The following ZNF98 variants were observed in gnomAD, a reference collection of about 807,000 sequenced individuals.
ZNF98 encodes zinc finger protein 739.
A neutral mutation model predicts 12.8 loss-of-function variants in ZNF98; 8 were observed. That is an observed-to-expected ratio of 0.63 (90% CI 0.37 to 1.13). The LOEUF (loss-of-function observed/expected upper bound fraction) is 1.13, where lower values mean the gene tolerates loss of function less well. Ranked by LOEUF, ZNF98 falls within the 50% of genes most tolerant of loss-of-function variation. ZNF98 has a pLI of 0.01. For missense variants in ZNF98, 379 were observed against 666.1 expected, an observed-to-expected ratio of 0.57 and a Z score of 4.74; for synonymous variants, 112 against 223.5, an observed-to-expected ratio of 0.50 and a Z score of 4.45.
Position 22,392,762 on chromosome 19 carries a change from T to C in ZNF98, c.473A>G (p.Lys158Arg). The part of the protein sequence containing the change: ...TTQNKIFQYD[K>R]YVKVFHKFSN... ...AAATTTATGAAAGACTTTCACATAT[T>C]TGTCATATTGAAATATTTTGTTCTG... The change falls in exon 4 of 4, where the codon AAA becomes AGA. Residue 158 changes from lysine to arginine, a missense_variant. By Grantham distance (26) the Lys-to-Arg change is conservative (BLOSUM62 2). Transcript: ENST00000357774. 6.2e-7 allele frequency: 1 copy of C among 1,611,312 alleles called. No homozygotes were observed. Among genetic ancestry groups the C allele is most frequent in the Non-Finnish European group, 8.5e-7 (1 of 1,178,670 alleles).
At chr19:22,415,070 CAT>C (rs1448654843) in intron 1 of ZNF98, among the ~76,000 whole-genome samples, 2 of 151,868 alleles carry the variant, frequency 1.3e-5, no homozygotes, top group Non-Finnish European at 2.9e-5. Context: ...AGACAAAAAA[CAT>C]GAAAAAGATT....
intron 1 of ZNF98, among the ~76,000 whole-genome samples, chr19:22,408,396 C>T (rs1226989523): frequency 6.6e-6 from 1 of 152,088 alleles, no homozygotes; most frequent in African/African-American, 2.4e-5. Flanking sequence ...ACAAGGATGC[C>T]CTTTCTCACC....
At chr19:22,413,315 T>A (rs536483721) in intron 1 of ZNF98, among the ~76,000 whole-genome samples, 2 of 152,176 alleles carry the variant, frequency 1.3e-5, no homozygotes, top group East Asian at 3.9e-4. Context: ...TGTTTACAGA[T>A]GACATAATGC....
At chr19:22,395,058 G>A (rs1351939638) in intron 3 of ZNF98, among the ~76,000 whole-genome samples, 2 of 151,616 alleles carry the variant, frequency 1.3e-5, no homozygotes, top group Admixed American at 1.3e-4. Context: ...TGTAATCCCA[G>A]CTAAGTGGGA....
chr19:22,398,151 C>G (rs2145110307), intron 3 of ZNF98, among the ~76,000 whole-genome samples: 1 of 152,214 alleles, frequency 6.6e-6, no homozygotes, highest in African/African-American at 2.4e-5. Context: ...ATTCTAACAA[C>G]TATAAAGGTA....
At chr19:22,399,290 T>C (rs1969431678) in intron 3 of ZNF98, among the ~76,000 whole-genome samples, 1 of 152,144 alleles carries the variant, frequency 6.6e-6, no homozygotes, top group Admixed American at 6.6e-5. Flanking sequence ...AGTAAAAGTT[T>C]CAGATAAAAT....
At chr19:22,395,945 A>C (rs1264531842) in intron 3 of ZNF98, among the ~76,000 whole-genome samples, 1 of 152,026 alleles carries the variant, frequency 6.6e-6, no homozygotes, top group South Asian at 2.1e-4. Context: ...AAAAGAAAAA[A>C]CCTTCCAAAA....
intron 1 of ZNF98, among the ~76,000 whole-genome samples, chr19:22,406,589 G>A (rs973738487): frequency 6.6e-6 from 1 of 152,114 alleles, no homozygotes; most frequent in African/African-American, 2.4e-5. Flanking sequence ...AGGCTGAGGC[G>A]GGCAGATCAT....
chr19:22,400,396 C>A (rs1969443063), intron 3 of ZNF98, among the ~76,000 whole-genome samples: 1 of 152,102 alleles, frequency 6.6e-6, no homozygotes, highest in South Asian at 2.1e-4. Flanking sequence ...ATAAAGCCTA[C>A]CATATGCAGA....
At chr19:22,414,699 T>C (rs1969620568) in intron 1 of ZNF98, among the ~76,000 whole-genome samples, 1 of 151,898 alleles carries the variant, frequency 6.6e-6, no homozygotes, top group African/African-American at 2.4e-5. Flanking sequence ...AGATTGAAAC[T>C]GAACCCCTTC....
intron 1 of ZNF98, among the ~76,000 whole-genome samples, chr19:22,409,144 C>T (rs564413551): frequency 6.6e-6 from 1 of 152,238 alleles, no homozygotes; most frequent in African/African-American, 2.4e-5. Flanking sequence ...CACACATCTA[C>T]AACCATCTGA....
intron 1 of ZNF98, among the ~76,000 whole-genome samples, chr19:22,414,232 CAAAAAA>C (rs57966582): frequency 3.4e-5 from 3 of 89,390 alleles, no homozygotes; most frequent in Non-Finnish European, 5.9e-5. Flanking sequence ...GACTCCATCT[CAAAAAA>C]AAAAAAAAAA....
At chr19:22,418,440 A>C (rs1367315959) in intron 1 of ZNF98, among the ~76,000 whole-genome samples, 1 of 152,250 alleles carries the variant, frequency 6.6e-6, no homozygotes, top group Admixed American at 6.5e-5. Context: ...AGCTGTGATT[A>C]ATAAAATTCT....
chr19:22,407,512 G>T (rs552374745), intron 1 of ZNF98, among the ~76,000 whole-genome samples: 44 of 150,802 alleles, frequency 2.9e-4, no homozygotes, highest in Non-Finnish European at 6.2e-4. Context: ...AGGAGTTCAA[G>T]ACCAGCCTGG....
rs1305012312 is a variant in ZNF98, at chr19:22,392,705, G to T, written c.530C>A (p.Thr177Asn). The T allele has an allele frequency of 6.2e-7, 1 of 1,602,970 alleles. No individual in the cohort carries two copies. Among genetic ancestry groups the T allele is most frequent in the Non-Finnish European group, 8.5e-7 (1 of 1,174,036 alleles). Reference protein sequence around the residue: ...SNSNRHKIGHTGKKSFKCKEC... With the variant: ...SNSNRHKIGHNGKKSFKCKEC... ...TTTACACTTGAAAGATTTCTTTCCAGTATGTCCTATCTTATGTCTGTTTGA... is the reference window on the plus strand; with the variant it reads ...TTTACACTTGAAAGATTTCTTTCCATTATGTCCTATCTTATGTCTGTTTGA... Residue 177 changes from threonine (T) to asparagine (N), a missense_variant, in exon 4 of 4, where the codon ACT (threonine) becomes AAT (asparagine). Thr to Asn is a moderately conservative substitution (Grantham distance 65). Transcript: ENST00000357774.
At position 22,392,102 on chromosome 19, in the gene ZNF98, T is replaced by C. The variant is rs761689232; in HGVS notation, c.1133A>G (p.Tyr378Cys). The change falls in exon 4 of 4, where the codon TAC becomes TGC. Residue 378 changes from tyrosine to cysteine, a missense_variant. By Grantham distance (194) the Tyr-to-Cys change is radical. Around this residue, in one of 8 missense-constraint regions of ZNF98, gnomAD observed 19 missense variants for 119.7 expected, o/e 0.16. Coordinates refer to ENST00000357774, the MANE Select transcript of ZNF98 (RefSeq NM_001098626.2). ...HKRIHSGEKP[Y>C]KCEECGKAFK... ...AGCTTTGCCACATTCTTCACACTTG[T>C]AGGGTTTCTCTCCAGAATGAATTCT... is the stretch of plus-strand genomic sequence containing the variant. 5.6e-6 allele frequency: 9 copies of C among 1,607,222 alleles called. No individual in the cohort carries two copies. Among genetic ancestry groups the C allele is most frequent in the South Asian group, 4.4e-5 (4 of 90,234 alleles).
At chr19:22,410,901 A>G (rs906051157) in intron 1 of ZNF98, among the ~76,000 whole-genome samples, 3 of 152,056 alleles carry the variant, frequency 2.0e-5, no homozygotes, top group African/African-American at 7.2e-5. Flanking sequence ...TACACTTGGC[A>G]CTCTTGTCAC....
At chr19:22,414,548 A>G (rs1969618906) in intron 1 of ZNF98, among the ~76,000 whole-genome samples, 3 of 152,252 alleles carry the variant, frequency 2.0e-5, no homozygotes, top group Admixed American at 2.0e-4. Flanking sequence ...AAACTCACAG[A>G]CCAATACAAC....
At chr19:22,402,284 G>A (rs1255899070) in intron 3 of ZNF98, 3 of 300,472 alleles carry the variant, frequency 1.0e-5, no homozygotes, top group Admixed American at 5.2e-5. Flanking sequence ...GGACAAAGCA[G>A]AAGAACATCA....
Sources: gnomAD v4.1 joint callset for allele counts (sites outside exome capture counted in the v4.1 genomes callset) on GRCh38, gnomAD v4.1.1 for gene constraint, gnomAD v4.1.1 regional missense constraint, MANE v1.5 for transcripts, NCBI Gene and HGNC (gene_info 2026-07-23, HGNC 2026-07-21) for gene names.